USP6: variants seen among roughly 807,000 people sequenced by gnomAD.
USP6 encodes the protein ubiquitin specific peptidase 6.
A neutral mutation model predicts 175.7 loss-of-function variants in USP6; 128 were observed. The observed-to-expected ratio is 0.73, with a 90% CI of 0.63 to 0.84. The LOEUF (loss-of-function observed/expected upper bound fraction) is 0.84, where lower values mean the gene tolerates loss of function less well. Ranked by LOEUF, USP6 falls within the 40% of genes least tolerant of loss-of-function variation. The pLI is 0.00. For synonymous variants in USP6, 562 were observed against 630.6 expected, an observed-to-expected ratio of 0.89 and a Z score of 1.63; for missense variants, 1,498 against 1,760.3, an observed-to-expected ratio of 0.85 and a Z score of 2.67.
chr17:5,163,250 G>A (rs1207645350), intron 33 of USP6, among the ~76,000 whole-genome samples: 1 of 152,162 alleles, frequency 6.6e-6, no homozygotes, highest in Non-Finnish European at 1.5e-5. Flanking sequence ...CGTGAGGCTG[G>A]TAACTTACAA....
chr17:5,168,766 G>T lies in USP6; in HGVS notation c.3229-1G>T. 4.5e-6 allele frequency: 7 copies of T among 1,564,380 alleles called. No homozygotes were observed. The highest frequency in any genetic ancestry group is 5.2e-6 in the Non-Finnish European group (6 of 1,155,796). On this transcript the variant is annotated splice_acceptor_variant, in intron 34 of 37. Transcript: ENST00000574788. LOFTEE classifies it high-confidence loss of function. The stretch of plus-strand genomic sequence containing the variant: ...GATGTTTTCTACCTTTACTTCTCCA[G>T]ATTATTCACCTTAAGCGATTTCAAT...
intron 31 of USP6, among the ~76,000 whole-genome samples, chr17:5,156,634 C>G (rs917440555): frequency 6.6e-6 from 1 of 151,966 alleles, no homozygotes; most frequent in African/African-American, 2.4e-5. Context: ...CATCATGGTA[C>G]AAATGAGAGT....
intron 32 of USP6, among the ~76,000 whole-genome samples, chr17:5,162,145 C>T (rs1461596405): frequency 6.6e-6 from 1 of 152,098 alleles, no homozygotes; most frequent in African/African-American, 2.4e-5. Flanking sequence ...AAATTCACCT[C>T]TCCTTTTTTG....
At position 5,123,467 on chromosome 17, in the gene USP6, CCCA is replaced by C. The variant is rs879927701; in HGVS notation, c.-1298-1098_-1298-1096del. 1.9e-3 allele frequency among the ~76,000 whole-genome samples: 288 copies of C among 152,202 alleles called. 1 individual carries two copies. Among genetic ancestry groups the C allele is most frequent in the Non-Finnish European group, 1.5e-3 (100 of 67,948 alleles). On this transcript the variant is annotated intron_variant, in intron 4 of 37. Coordinates refer to ENST00000574788, the MANE Select transcript of USP6 (RefSeq NM_001304284.2). ...CAGGGGCGGGCAGGCAGGGGGCCGG[CCCA>C]GCCCGCGTCACCCGGCAGCAAACAC...
Position 5,132,810 on chromosome 17 carries a change from G to C in USP6, c.196-100G>C. 1 of 1,415,128 alleles carries C rather than the reference G, an allele frequency of 7.1e-7. No individual in the cohort carries two copies. The highest frequency in any genetic ancestry group is 1.0e-6 in the Non-Finnish European group (1 of 1,000,176). The allele number at this position is 1,415,128 out of a possible 1,614,324, so 87.7% of individuals were successfully genotyped here. A position where few individuals can be genotyped will look rare whatever the true frequency, so the allele number is the denominator to read the frequency against. ...GTCTGCCCTTCCCTGGCTCCTTCCAGTTGGGTCCCACCAGGGCTCCAGAGC... is the reference window on the plus strand; with the variant it reads ...GTCTGCCCTTCCCTGGCTCCTTCCACTTGGGTCCCACCAGGGCTCCAGAGC... On this transcript the variant is annotated intron_variant, in intron 12 of 37. Transcript: ENST00000574788. This position sits in a 1 kb window ranked among gnomAD's most constrained non-coding sequence, Gnocchi z 4.7.
At chr17:5,133,071 G>A (rs1435570338) in intron 13 of USP6, 81 bp downstream of exon 13, 28 of 1,519,692 alleles carry the variant, frequency 1.8e-5, no homozygotes, top group South Asian at 8.3e-5. Flanking sequence ...GCCTGGCACC[G>A]TCAGCCTCTC....
At chr17:5,117,524 A>G (rs1489975138) in intron 1 of USP6, among the ~76,000 whole-genome samples, 1 of 152,074 alleles carries the variant, frequency 6.6e-6, no homozygotes, top group African/African-American at 2.4e-5. Flanking sequence ...TCAAAAAAAA[A>G]AAAAAAAAGC....
At chr17:5,168,503 C>T (rs1341803266) in intron 34 of USP6, among the ~76,000 whole-genome samples, 1 of 152,234 alleles carries the variant, frequency 6.6e-6, no homozygotes, top group Non-Finnish European at 1.5e-5. Context: ...AGCAACTGAG[C>T]CCGGGGGCAA....
chr17:5,143,159 C>A (rs564766044), intron 25 of USP6, among the ~76,000 whole-genome samples: 3 of 152,202 alleles, frequency 2.0e-5, no homozygotes, highest in African/African-American at 7.2e-5. Flanking sequence ...CCCGGCCAGC[C>A]GCCCCGTCCG....
rs996796562 is a variant in USP6 at position 5,174,728 on chromosome 17, T to C, written c.*1750T>C. On this transcript the variant is annotated 3_prime_UTR_variant, in exon 38 of 38. Coordinates refer to ENST00000574788, the MANE Select transcript of USP6 (RefSeq NM_001304284.2). ...TGTGTGATTTGTGTTATACTGGTTG[T>C]AATTAATTTTTTTAATTCATGAACT... is the stretch of plus-strand genomic sequence containing the variant. 1.5e-5 allele frequency: 3 copies of C among 201,440 alleles called. No homozygotes were observed. The highest frequency in any genetic ancestry group is 3.1e-5 in the Non-Finnish European group (3 of 97,642). The allele number at this position is 201,440 out of a possible 1,614,324, so 12.5% of individuals were successfully genotyped here. A position where few individuals can be genotyped will look rare whatever the true frequency, so the allele number is the denominator to read the frequency against.
chr17:5,148,846 T>G lies in USP6; in HGVS notation c.2643+79T>G. 1.9e-6 allele frequency: 3 copies of G among 1,543,764 alleles called. No homozygotes were observed. In the South Asian group the frequency reaches 3.8e-5, roughly 20 times the overall value. ...ATAGCCATTTTCTGTCTTTGCAACATCATTGAATGCATTTTCTTCTCTTTT... is the reference window on the plus strand; with the variant it reads ...ATAGCCATTTTCTGTCTTTGCAACAGCATTGAATGCATTTTCTTCTCTTTT... On this transcript the variant is annotated intron_variant, in intron 30 of 37. Transcript: ENST00000574788.
intron 25 of USP6, among the ~76,000 whole-genome samples, chr17:5,143,727 C>G (rs904145735): frequency 1.3e-5 from 2 of 149,652 alleles, no homozygotes; most frequent in East Asian, 2.0e-4. Context: ...TCCCCCTCTG[C>G]GAGAAACACC....
chr17:5,146,819 T>C (rs2144008447), intron 28 of USP6, among the ~76,000 whole-genome samples: 1 of 152,310 alleles, frequency 6.6e-6, no homozygotes, highest in Non-Finnish European at 1.5e-5. Flanking sequence ...TTTAGATCCC[T>C]GAGACAAAGG....
chr17:5,167,857 G>A (rs981021644), intron 33 of USP6, 75 bp from the exon 34 acceptor site: 53 of 1,500,618 alleles, frequency 3.5e-5, no homozygotes, highest in Non-Finnish European at 4.1e-5. Context: ...GTGACCGAGC[G>A]GTTGATGCAT....
In USP6 at chr17:5,134,133, C is replaced by T. The variant is rs547928383; in HGVS notation, c.494+137C>T. On this transcript the variant is annotated intron_variant, in intron 15 of 37. Coordinates refer to ENST00000574788, the MANE Select transcript of USP6 (RefSeq NM_001304284.2). ...GAGCTCTCCTGGCCCAGGGAGCAGC[C>T]GGCACCATGAACCGAGCACCTCCCT... The T allele has an allele frequency of 2.1e-4, 200 of 934,628 alleles. 2 individuals are homozygous for T. Among genetic ancestry groups the T allele is most frequent in the Admixed American group, 3.9e-4 (18 of 46,002 alleles). The allele number at this position is 934,628 out of a possible 1,614,324, so 57.9% of individuals were successfully genotyped here. A position where few individuals can be genotyped will look rare whatever the true frequency, so the allele number is the denominator to read the frequency against.
intron 15 of USP6, chr17:5,134,212 C>G (rs1314689431): frequency 1.7e-6 from 1 of 571,836 alleles, no homozygotes; most frequent in Admixed American, 3.1e-5. Flanking sequence ...CCAGGAGGAT[C>G]CTGAGGAGAC....
At chr17:5,136,526 G>A in intron 17 of USP6, 114 bp from the exon 18 acceptor site, 1 of 1,330,206 alleles carries the variant, frequency 7.5e-7, no homozygotes, top group East Asian at 2.3e-5. Flanking sequence ...CACCAGATGG[G>A]AGGGCGGGAG....
intron 2 of USP6, among the ~76,000 whole-genome samples, chr17:5,118,759 A>G (rs939235563): frequency 1.2e-4 from 18 of 152,190 alleles, no homozygotes; most frequent in Admixed American, 6.5e-5. Context: ...CGGAGAGGGG[A>G]GCTAGAGAGG....
intron 31 of USP6, among the ~76,000 whole-genome samples, chr17:5,160,497 T>C (rs1367096775): frequency 1.3e-5 from 2 of 152,220 alleles, no homozygotes; most frequent in Non-Finnish European, 2.9e-5. Context: ...CTGCTCCTTG[T>C]TAGGGCAAGG....
Sources: allele counts gnomAD v4.1 joint callset (sites outside exome capture counted in the v4.1 genomes callset), GRCh38; gene constraint gnomAD v4.1.1; non-coding constraint Gnocchi (gnomAD v3.1); transcripts MANE v1.5; gene names NCBI Gene and HGNC (gene_info 2026-07-23, HGNC 2026-07-21).